The following GLDC variants were observed in gnomAD, a reference collection of about 807,000 sequenced individuals.
GLDC encodes glycine dehydrogenase (decarboxylating), mitochondrial.
GLDC carries 104 observed loss-of-function variants against 121.3 expected under a neutral mutation model. The observed-to-expected ratio is 0.86, with a 90% CI of 0.73 to 1.01. GLDC has a LOEUF of 1.01. Ranked by LOEUF, GLDC falls within the 50% of genes least tolerant of loss-of-function variation. The pLI, the probability that GLDC is intolerant of heterozygous loss-of-function variation, is 0.00. For synonymous variants in GLDC, 546 were observed against 480.6 expected, an observed-to-expected ratio of 1.14 and a Z score of -1.78; for missense variants, 1,429 against 1,306.6, an observed-to-expected ratio of 1.09 and a Z score of -1.44.
At chr9:6,621,759 G>A (rs1306959328) in intron 2 of GLDC, among the ~76,000 whole-genome samples, 2 of 152,070 alleles carry the variant, frequency 1.3e-5, no homozygotes, top group East Asian at 1.9e-4. Context: ...TTCGTGATCC[G>A]CCCACCTCAG....
At chr9:6,590,005 A>T (rs150537688) in intron 11 of GLDC, among the ~76,000 whole-genome samples, 1,781 of 152,040 alleles carry the variant, frequency 0.012, 35 homozygotes, top group African/African-American at 0.04. Context: ...CAGTGAGCTG[A>T]GATCATGCCA....
At chr9:6,639,822 C>T (rs1046456385) in intron 2 of GLDC, among the ~76,000 whole-genome samples, 3 of 152,052 alleles carry the variant, frequency 2.0e-5, no homozygotes, top group Middle Eastern at 3.4e-3. Flanking sequence ...ATCAAGGAAG[C>T]CAGCCTGCTA....
rs568494607 is a variant in GLDC at position 6,592,390 on chromosome 9, A to G, written c.1402-167T>C. 6.6e-5 allele frequency among the ~76,000 whole-genome samples: 10 copies of G among 152,348 alleles called. No individual in the cohort carries two copies. In the East Asian group the frequency reaches 1.7e-3, roughly 26 times the overall value. ...AGGCTTAGAGGAAGGTGGCTAGACC[A>G]GTCCCAGGTTTCACAAGGCTTCGAG... On this transcript the variant is annotated intron_variant, in intron 10 of 24. Transcript: ENST00000321612.
In GLDC at chr9:6,558,586, AT is replaced by A; in HGVS notation, c.2024del (p.Asn675IlefsTer18). On this transcript the variant is annotated frameshift_variant, in exon 17 of 25. Transcript: ENST00000321612. LOFTEE classifies it high-confidence loss of function. ...TGGCCTTGAGGTGAACTGCATCGAT[AT>A]TCCCATATTTATCCACCTCCACAGG... ...IQPVEVDKYG[N>X]IDAVHLKAMV... 1 of 1,614,194 alleles carries A rather than the reference AT, an allele frequency of 6.2e-7. No individual in the cohort carries two copies. Among genetic ancestry groups the A allele is most frequent in the Non-Finnish European group, 8.5e-7 (1 of 1,180,026 alleles).
At chr9:6,552,536 A>G (rs1817537222) in intron 20 of GLDC, among the ~76,000 whole-genome samples, 1 of 152,210 alleles carries the variant, frequency 6.6e-6, no homozygotes, top group Non-Finnish European at 1.5e-5. Context: ...CTTTTCGTGA[A>G]GAATCATAAA....
At chr9:6,545,814 T>C (rs1817375583) in intron 21 of GLDC, among the ~76,000 whole-genome samples, 1 of 152,136 alleles carries the variant, frequency 6.6e-6, no homozygotes, top group South Asian at 2.1e-4. Context: ...CTAATTTTTG[T>C]ATTTTTAGTA....
intron 2 of GLDC, among the ~76,000 whole-genome samples, chr9:6,640,086 A>G (rs1324026868): frequency 1.3e-5 from 2 of 152,168 alleles, no homozygotes; most frequent in African/African-American, 4.8e-5. Flanking sequence ...CTCCAATCAG[A>G]ACACACCTAA....
At chr9:6,609,767 G>C (rs544189671) in intron 4 of GLDC, among the ~76,000 whole-genome samples, 166 of 152,106 alleles carry the variant, frequency 1.1e-3, no homozygotes, top group African/African-American at 3.9e-3. Flanking sequence ...CCTGCCTTGA[G>C]AGACCTCACC....
At chr9:6,573,237 G>A (rs1215514115) in intron 15 of GLDC, among the ~76,000 whole-genome samples, 1 of 152,040 alleles carries the variant, frequency 6.6e-6, no homozygotes, top group Non-Finnish European at 1.5e-5. Flanking sequence ...GAGGCAGGTG[G>A]ATCACCTGAG....
chr9:6,560,745 T>C (rs897568407), intron 16 of GLDC, among the ~76,000 whole-genome samples: 1 of 152,244 alleles, frequency 6.6e-6, no homozygotes, highest in Non-Finnish European at 1.5e-5. Context: ...TGTGGTACAC[T>C]GAATAACGGG....
chr9:6,634,829 G>A (rs935219169), intron 2 of GLDC, among the ~76,000 whole-genome samples: 5 of 151,832 alleles, frequency 3.3e-5, no homozygotes, highest in African/African-American at 7.3e-5. Context: ...TCCCTCTCCC[G>A]CTTCTCCCCC....
intron 2 of GLDC, among the ~76,000 whole-genome samples, chr9:6,643,966 G>A (rs1006187122): frequency 5.8e-5 from 8 of 137,874 alleles, no homozygotes; most frequent in Non-Finnish European, 9.1e-5. Flanking sequence ...CCAGGGAGGC[G>A]GAGGTTGCAG....
intron 8 of GLDC, 109 bp downstream of exon 8, chr9:6,602,000 G>T: frequency 1.3e-6 from 1 of 750,302 alleles, no homozygotes. Flanking sequence ...TTTCTGGTGT[G>T]CTCACTGCTC....
chr9:6,596,366 C>G (rs116136434), intron 8 of GLDC, among the ~76,000 whole-genome samples: 3,140 of 152,136 alleles, frequency 0.021, 99 homozygotes, highest in African/African-American at 0.072. Flanking sequence ...TCAAAGGGCA[C>G]TAGAATATCA....
At chr9:6,578,046 C>A (rs1818106615) in intron 15 of GLDC, among the ~76,000 whole-genome samples, 1 of 151,924 alleles carries the variant, frequency 6.6e-6, no homozygotes, top group Admixed American at 6.6e-5. Context: ...TCTCGAGTAG[C>A]TGGGACTACA....
chr9:6,570,397 GT>G (rs1817936730), intron 15 of GLDC, among the ~76,000 whole-genome samples: 1 of 152,082 alleles, frequency 6.6e-6, no homozygotes. Flanking sequence ...ATCTATTTTT[GT>G]TTTAATTTTC....
At chr9:6,601,827 C>T (rs568524364) in intron 8 of GLDC, among the ~76,000 whole-genome samples, 3 of 152,254 alleles carry the variant, frequency 2.0e-5, no homozygotes, top group African/African-American at 7.2e-5. Context: ...GATGGTGTTT[C>T]GCCATGTCGC....
At position 6,556,257 on chromosome 9, in the gene GLDC, G is replaced by T; in HGVS notation, c.2098C>A (p.Pro700Thr). The change falls in exon 18 of 25, where the codon CCA becomes ACA. Residue 700 changes from proline (P) to threonine (T), a missense_variant. Physicochemically the swap from Pro to Thr is conservative, Grantham distance 38. Coordinates refer to ENST00000321612, the MANE Select transcript of GLDC (RefSeq NM_000170.3). Reference sequence around the variant, plus strand: ...TCTTCAAACACCCCATTGGTGGATGGGTATGTAATCATGATAGCTGCTAGG... The same window carrying T: ...TCTTCAAACACCCCATTGGTGGATGTGTATGTAATCATGATAGCTGCTAGG... The part of the protein sequence containing the change: ...ENLAAIMITY[P>T]STNGVFEENI... 1 of 1,612,848 alleles carries T rather than the reference G, an allele frequency of 6.2e-7. No individual in the cohort carries two copies. Among genetic ancestry groups the T allele is most frequent in the Non-Finnish European group, 8.5e-7 (1 of 1,178,836 alleles).
chr9:6,567,159 G>A (rs1180308886), intron 15 of GLDC: 1 of 149,006 alleles, frequency 6.7e-6, no homozygotes, highest in Non-Finnish European at 1.5e-5. Flanking sequence ...AAGAAAAGAA[G>A]AAAGAAAGCC....
Sources: allele counts gnomAD v4.1 joint callset (sites outside exome capture counted in the v4.1 genomes callset), GRCh38; gene constraint gnomAD v4.1.1; transcripts MANE v1.5; gene names NCBI Gene and HGNC (gene_info 2026-07-23, HGNC 2026-07-21).